Variants in CELF6 observed in about 807,000 individuals in gnomAD.
CELF6 encodes Bruno -like 6, RNA binding protein.
CELF6 carries 32 observed loss-of-function variants against 53.1 expected under a neutral mutation model. That is an observed-to-expected ratio of 0.60 (90% CI 0.46 to 0.81). CELF6 has a LOEUF of 0.81. Among genes scored for constraint, CELF6 ranks in the 30% least tolerant of loss-of-function variants. The probability of loss-of-function intolerance (pLI) is 0.00; values close to 1 mark genes in which losing one functional copy is unlikely to be tolerated. For missense variants in CELF6, 539 were observed against 669.5 expected (o/e 0.81, Z 2.15); for synonymous variants, 291 against 288.8 (o/e 1.01, Z -0.08).
At chr15:72,305,855 T>C (rs1490627584) in intron 2 of CELF6, among the ~76,000 whole-genome samples, 2 of 102,462 alleles carry the variant, frequency 2.0e-5, no homozygotes, top group Non-Finnish European at 3.5e-5. Context: ...AGCTCATTTG[T>C]TTTTTTTTTT....
At chr15:72,300,198 TA>T (rs1252657796) in intron 3 of CELF6, among the ~76,000 whole-genome samples, 1 of 151,526 alleles carries the variant, frequency 6.6e-6, no homozygotes, top group East Asian at 1.9e-4. Flanking sequence ...CTACAAAAAA[TA>T]AAAATACAAA....
chr15:72,291,776 A>G (rs2088009620), intron 3 of CELF6, among the ~76,000 whole-genome samples: 1 of 152,198 alleles, frequency 6.6e-6, no homozygotes, highest in South Asian at 2.1e-4. Flanking sequence ...CAGGGGCTGC[A>G]GTTCATAAGG....
At position 72,304,426 on chromosome 15, in the gene CELF6, C is replaced by A. The variant is rs184163517; in HGVS notation, c.394+320G>T. Among the ~76,000 whole-genome samples, 18 of 152,280 alleles carry A rather than the reference C, an allele frequency of 1.2e-4. 1 individual carries two copies. In the East Asian group the frequency reaches 3.3e-3, roughly 28 times the overall value. ...ACCTGATTCTTAAAAACAACAACAA[C>A]AACGAAACCCTGAAAGTTCCATGTG... On this transcript the variant is annotated intron_variant, in intron 3 of 12. Coordinates refer to ENST00000287202, the MANE Select transcript of CELF6 (RefSeq NM_052840.5).
At chr15:72,303,236 G>C (rs1206862540) in intron 3 of CELF6, among the ~76,000 whole-genome samples, 1 of 152,156 alleles carries the variant, frequency 6.6e-6, no homozygotes, top group African/African-American at 2.4e-5. Flanking sequence ...AGAAATTCTT[G>C]GGTTACATGA....
At position 72,319,418 on chromosome 15, in the gene CELF6, G is replaced by A. The variant is rs1476038839; in HGVS notation, c.262+195C>T. Among the ~76,000 whole-genome samples the A allele has an allele frequency of 6.6e-6, 1 of 152,124 alleles. No individual in the cohort carries two copies. Among genetic ancestry groups the A allele is most frequent in the Non-Finnish European group, 1.5e-5 (1 of 68,030 alleles). Reference sequence around the variant, plus strand: ...AGGTTAGAGTGGAGAACATGTTAGGGGACCACAGTGATAATCAGAGGGAGG... The same window carrying A: ...AGGTTAGAGTGGAGAACATGTTAGGAGACCACAGTGATAATCAGAGGGAGG... On this transcript the variant is annotated intron_variant, in intron 1 of 12. Transcript: ENST00000287202. The surrounding 1 kb of genome is among the most constrained non-coding windows in gnomAD (Gnocchi z 5.0).
chr15:72,309,739 A>G (rs2088272765), intron 2 of CELF6, among the ~76,000 whole-genome samples: 1 of 152,198 alleles, frequency 6.6e-6, no homozygotes, highest in Non-Finnish European at 1.5e-5. Flanking sequence ...GGGACATGGC[A>G]GTGGGATAAT....
chr15:72,301,878 A>C (rs942142773), intron 3 of CELF6, among the ~76,000 whole-genome samples: 1 of 151,940 alleles, frequency 6.6e-6, no homozygotes, highest in Non-Finnish European at 1.5e-5. Flanking sequence ...ATGGGACTAC[A>C]TGCGCCCGCC....
intron 2 of CELF6, among the ~76,000 whole-genome samples, chr15:72,305,137 G>A (rs2088209754): frequency 6.6e-6 from 1 of 152,170 alleles, no homozygotes; most frequent in Non-Finnish European, 1.5e-5. Context: ...TGCATGAGAG[G>A]ATTGGGAAGG....
intron 3 of CELF6, among the ~76,000 whole-genome samples, chr15:72,298,514 A>T (rs1405487812): frequency 2.0e-5 from 3 of 152,120 alleles, no homozygotes; most frequent in African/African-American, 7.2e-5. Flanking sequence ...GAGTGCATGG[A>T]TTGATTACCT....
intron 2 of CELF6, among the ~76,000 whole-genome samples, chr15:72,306,554 T>TAA (rs397966975): frequency 0.14 from 11,019 of 78,844 alleles, 1,364 homozygotes; most frequent in African/African-American, 0.33. Context: ...GAGGGCTTAC[T>TAA]AAAAAAAAAA....
At chr15:72,299,131 C>T (rs1363563685) in intron 3 of CELF6, among the ~76,000 whole-genome samples, 1 of 151,510 alleles carries the variant, frequency 6.6e-6, no homozygotes, top group Non-Finnish European at 1.5e-5. Context: ...TCTCTTGAAC[C>T]CAGGAAGTGG....
intron 2 of CELF6, among the ~76,000 whole-genome samples, chr15:72,307,224 T>C (rs2140302323): frequency 6.6e-6 from 1 of 152,224 alleles, no homozygotes; most frequent in South Asian, 2.1e-4. Flanking sequence ...GATGGTGCTC[T>C]GGGGGACGCC....
chr15:72,313,169 G>T (rs2088320245), intron 2 of CELF6, among the ~76,000 whole-genome samples: 1 of 152,204 alleles, frequency 6.6e-6, no homozygotes, highest in Non-Finnish European at 1.5e-5. Flanking sequence ...CAGTGGTTAA[G>T]TGAATGAGTT....
intron 2 of CELF6, among the ~76,000 whole-genome samples, chr15:72,308,885 T>C (rs1308694932): frequency 6.6e-6 from 1 of 151,948 alleles, no homozygotes; most frequent in Non-Finnish European, 1.5e-5. Flanking sequence ...TTTGTATTTT[T>C]AGTAGAGACG....
chr15:72,315,803 C>T (rs766665032), intron 2 of CELF6, 42 bp downstream of exon 2: 8 of 1,409,202 alleles, frequency 5.7e-6, no homozygotes, highest in Non-Finnish European at 7.8e-6. Flanking sequence ...GGCACTGTCC[C>T]CAGCCTGAGG....
Position 72,288,852 on chromosome 15 carries a change from T to C in CELF6, c.1093+16A>G. ...GCCCTTCAACCTCCCCCAGGCCGCG[T>C]AGCGCCAAGTGAAACCTGCGTAGTG... On this transcript the variant is annotated intron_variant, in intron 9 of 12. Coordinates refer to ENST00000287202, the MANE Select transcript of CELF6 (RefSeq NM_052840.5). This position sits in a 1 kb window ranked among gnomAD's most constrained non-coding sequence, Gnocchi z 4.6. 3 of 1,549,900 alleles carry C rather than the reference T, an allele frequency of 1.9e-6. No individual in the cohort carries two copies. The highest frequency in any genetic ancestry group is 2.6e-6 in the Non-Finnish European group (3 of 1,146,096).
At position 72,288,351 on chromosome 15, in the gene CELF6, A is replaced by G; in HGVS notation, c.1275T>C (p.Ala425=). The part of the protein sequence containing the change: ...TFLPFGAVVS[A]KVFVDRATNQ... ...TGGTGGCTCGATCCACAAAGACTTT[A>G]GCAGAGACAACGGCTCCAAAGGGCA... Residue 425 remains alanine, a synonymous_variant, in exon 11 of 13, where the codon GCT becomes GCC. Transcript: ENST00000287202. The surrounding 1 kb of genome is among the most constrained non-coding windows in gnomAD (Gnocchi z 4.6). The G allele has an allele frequency of 6.2e-7, 1 of 1,614,176 alleles. No individual in the cohort carries two copies. Among genetic ancestry groups the G allele is most frequent in the Non-Finnish European group, 8.5e-7 (1 of 1,180,038 alleles).
intron 1 of CELF6, among the ~76,000 whole-genome samples, chr15:72,316,256 C>G (rs973193012): frequency 6.6e-6 from 1 of 152,204 alleles, no homozygotes; most frequent in African/African-American, 2.4e-5. Flanking sequence ...CCCTAAGCAG[C>G]TTTATCATCA....
chr15:72,319,793 C>T lies in CELF6; in HGVS notation c.82G>A (p.Gly28Ser), dbSNP rs2088405486. 1.9e-6 allele frequency: 3 copies of T among 1,563,134 alleles called. No homozygotes were observed. Among genetic ancestry groups the T allele is most frequent in the South Asian group, 1.2e-5 (1 of 85,404 alleles). The change falls in exon 1 of 13, where the codon GGC becomes AGC. Residue 28 changes from glycine (G) to serine (S), a missense_variant. Physicochemically the swap from Gly to Ser is moderately conservative, Grantham distance 56. This residue lies in a region of CELF6 where 84 missense variants were observed against 87.9 expected (regional missense o/e 0.96). Transcript: ENST00000287202. This position sits in a 1 kb window ranked among gnomAD's most constrained non-coding sequence, Gnocchi z 5.0. The stretch of plus-strand genomic sequence containing the variant: ...GGACCGGGGTTTAGCCCGCTCATGC[C>T]GACGCCGCTGTCCGCGGTGCTGAAA... ...LGFSTADSGV[G>S]MSGLNPGPAV... is the part of the protein sequence containing the mutation.
Sources: gnomAD v4.1 joint callset for allele counts (sites outside exome capture counted in the v4.1 genomes callset) on GRCh38, gnomAD v4.1.1 for gene constraint, gnomAD v4.1.1 regional missense constraint, Gnocchi (gnomAD v3.1) non-coding constraint, MANE v1.5 for transcripts, NCBI Gene and HGNC (gene_info 2026-07-23, HGNC 2026-07-21) for gene names.